Variants in C9orf153 observed in about 807,000 individuals in gnomAD.
The protein encoded by C9orf153 is uncharacterized protein C9orf153.
Under a neutral mutation model 9.0 loss-of-function variants are expected in C9orf153, and 10 were observed. The observed-to-expected ratio is 1.11, with a 90% CI of 0.69 to 1.89. The LOEUF (loss-of-function observed/expected upper bound fraction) is 1.89, where lower values mean the gene tolerates loss of function less well. Ranked by LOEUF, C9orf153 falls within the 40% of genes most tolerant of loss-of-function variation. The pLI is 0.00. For missense variants in C9orf153, 108 were observed against 111.0 expected (o/e 0.97, Z 0.12); for synonymous variants, 35 against 37.3 (o/e 0.94, Z 0.23).
At chr9:86,233,894 C>T (rs747413220) in intron 1 of C9orf153, among the ~76,000 whole-genome samples, 1 of 152,096 alleles carries the variant, frequency 6.6e-6, no homozygotes, top group Non-Finnish European at 1.5e-5. Flanking sequence ...ACCATCCTGG[C>T]CAACATGGTG....
At chr9:86,238,303 A>T (rs962762994) in intron 1 of C9orf153, among the ~76,000 whole-genome samples, 1 of 152,186 alleles carries the variant, frequency 6.6e-6, no homozygotes, top group Non-Finnish European at 1.5e-5. Context: ...ACATCTATAG[A>T]CTACTACTTC....
At chr9:86,236,971 A>T (rs1433454662) in intron 1 of C9orf153, among the ~76,000 whole-genome samples, 1 of 151,504 alleles carries the variant, frequency 6.6e-6, no homozygotes, top group Admixed American at 6.6e-5. Flanking sequence ...ATATAATGGC[A>T]AGAATGTATT....
In C9orf153 at chr9:86,221,578, G is replaced by T; in HGVS notation, c.*110C>A. Reference sequence around the variant, plus strand: ...ATGACCAAAGACTTGCGAACTATAGGGGGGAAAATAACGTCAGGCATGTCC... The same window carrying T: ...ATGACCAAAGACTTGCGAACTATAGTGGGGAAAATAACGTCAGGCATGTCC... On this transcript the variant is annotated 3_prime_UTR_variant, in exon 4 of 4. Transcript: ENST00000339137. 1 of 1,417,620 alleles carries T rather than the reference G, an allele frequency of 7.1e-7. No individual in the cohort carries two copies. The highest frequency in any genetic ancestry group is 9.2e-7 in the Non-Finnish European group (1 of 1,083,446). 87.8% of individuals were successfully genotyped at this position (1,417,620 alleles called of 1,614,324 possible). A position where few individuals can be genotyped will look rare whatever the true frequency, so the allele number is the denominator to read the frequency against.
chr9:86,244,966 G>A (rs568959393), intron 1 of C9orf153, among the ~76,000 whole-genome samples: 4 of 152,144 alleles, frequency 2.6e-5, no homozygotes, highest in African/African-American at 9.6e-5. Flanking sequence ...CACTCTTGTC[G>A]CCCAGGCTGG....
chr9:86,248,972 C>T (rs1268672404), intron 1 of C9orf153, among the ~76,000 whole-genome samples: 1 of 152,218 alleles, frequency 6.6e-6, no homozygotes, highest in Non-Finnish European at 1.5e-5. Context: ...AGCCATCTGC[C>T]TGCCAGCTTC....
intron 1 of C9orf153, among the ~76,000 whole-genome samples, chr9:86,258,066 G>A (rs772777374): frequency 2.6e-5 from 4 of 152,132 alleles, no homozygotes; most frequent in East Asian, 1.9e-4. Flanking sequence ...TTTGTAGGAC[G>A]GGTGCGGTGG....
At chr9:86,244,268 T>A (rs955139223) in intron 1 of C9orf153, among the ~76,000 whole-genome samples, 2 of 152,162 alleles carry the variant, frequency 1.3e-5, no homozygotes, top group Non-Finnish European at 1.5e-5. Flanking sequence ...AGAGACAGGG[T>A]CTTGCTATGT....
At chr9:86,226,668 C>T (rs1302272101) in intron 3 of C9orf153, among the ~76,000 whole-genome samples, 1 of 152,068 alleles carries the variant, frequency 6.6e-6, no homozygotes, top group Non-Finnish European at 1.5e-5. Context: ...AAAATATTAC[C>T]TCTCTCAAAT....
chr9:86,232,925 G>T (rs1205660492), intron 1 of C9orf153, among the ~76,000 whole-genome samples: 1 of 151,954 alleles, frequency 6.6e-6, no homozygotes, highest in Non-Finnish European at 1.5e-5. Flanking sequence ...TAGAGACAGG[G>T]TTTTGCCATG....
chr9:86,236,796 GT>G (rs1212966499), intron 1 of C9orf153, among the ~76,000 whole-genome samples: 1 of 151,384 alleles, frequency 6.6e-6, no homozygotes, highest in East Asian at 1.9e-4. Context: ...AAAGATAACA[GT>G]TTGTTCAAAA....
chr9:86,239,044 G>A (rs537964067), intron 1 of C9orf153, among the ~76,000 whole-genome samples: 4 of 150,996 alleles, frequency 2.6e-5, no homozygotes, highest in African/African-American at 9.7e-5. Flanking sequence ...GGCTGATCTC[G>A]AGGTCAGGAG....
intron 3 of C9orf153, among the ~76,000 whole-genome samples, chr9:86,225,604 G>A (rs1587795685): frequency 6.6e-6 from 1 of 151,984 alleles, no homozygotes; most frequent in African/African-American, 2.4e-5. Context: ...GATTACAGGT[G>A]CCCGCCGCAA....
intron 1 of C9orf153, chr9:86,258,494 CCT>C (rs1380053572): frequency 6.6e-6 from 1 of 152,144 alleles, no homozygotes; most frequent in Non-Finnish European, 1.5e-5. Context: ...GAACGGCCCT[CCT>C]CTGTTGGGGA....
At chr9:86,229,512 C>G (rs1233134635) in intron 2 of C9orf153, 26 bp downstream of exon 2, 1 of 1,522,692 alleles carries the variant, frequency 6.6e-7, no homozygotes. Context: ...CTGTGTACAC[C>G]TCGTTGTACA....
chr9:86,237,155 C>A (rs935242661), intron 1 of C9orf153, among the ~76,000 whole-genome samples: 6 of 151,646 alleles, frequency 4.0e-5, no homozygotes. Context: ...AACTCTAGGG[C>A]AACCACTAAA....
intron 1 of C9orf153, among the ~76,000 whole-genome samples, chr9:86,234,586 T>C (rs1176644272): frequency 6.6e-6 from 1 of 152,198 alleles, no homozygotes; most frequent in Non-Finnish European, 1.5e-5. Context: ...GAACTAAGTA[T>C]GAGAGCTGAA....
chr9:86,227,790 C>A, intron 3 of C9orf153, 65 bp downstream of exon 3: 1 of 1,534,336 alleles, frequency 6.5e-7, no homozygotes, highest in South Asian at 1.3e-5. Flanking sequence ...AGTGAGCTTG[C>A]CAGTAAGCTG....
At chr9:86,255,470 T>C (rs1049543271) in intron 1 of C9orf153, among the ~76,000 whole-genome samples, 26 of 152,184 alleles carry the variant, frequency 1.7e-4, no homozygotes, top group African/African-American at 5.8e-4. Context: ...ACTGAGAGTT[T>C]GACACCTTTG....
At chr9:86,225,468 T>C (rs1824307502) in intron 3 of C9orf153, among the ~76,000 whole-genome samples, 1 of 151,614 alleles carries the variant, frequency 6.6e-6, no homozygotes, top group South Asian at 2.1e-4. Context: ...CTTTCTTTCT[T>C]TCTTTTTTGA....
Sources: allele counts gnomAD v4.1 joint callset (sites outside exome capture counted in the v4.1 genomes callset), GRCh38; gene constraint gnomAD v4.1.1; transcripts MANE v1.5; gene names NCBI Gene and HGNC (gene_info 2026-07-23, HGNC 2026-07-21).